SLC34A3: variants seen among roughly 807,000 people sequenced by gnomAD.
The protein encoded by SLC34A3 is solute carrier family 34 member 3.
Under a neutral mutation model 43.9 loss-of-function variants are expected in SLC34A3, and 60 were observed. That is an observed-to-expected ratio of 1.37 (90% CI 1.11 to 1.70). The LOEUF (loss-of-function observed/expected upper bound fraction) is 1.70, where lower values mean the gene tolerates loss of function less well. SLC34A3 is among the 40% of genes most tolerant of loss of function. The probability of loss-of-function intolerance (pLI) is 0.00; values close to 1 mark genes in which losing one functional copy is unlikely to be tolerated. For synonymous variants in SLC34A3, 451 were observed against 386.2 expected (o/e 1.17, Z -1.97); for missense variants, 969 against 823.8 (o/e 1.18, Z -2.16).
rs1169054324 is a variant in SLC34A3 at position 137,233,380 on chromosome 9, G to GC, written c.734dup (p.Leu246AlafsTer23). ...CCGACATCCTCAAGGTGCTGACGAAGCCGCTCACACACCTCATCGTGCAGG... is the reference window on the plus strand; with the variant it reads ...CCGACATCCTCAAGGTGCTGACGAAGCCCGCTCACACACCTCATCGTGCAGG... On this transcript the variant is annotated frameshift_variant, in exon 7 of 13. Coordinates refer to ENST00000673835, the MANE Select transcript of SLC34A3 (RefSeq NM_001177316.2). LOFTEE classifies it high-confidence loss of function. 6.9e-6 allele frequency: 11 copies of GC among 1,605,364 alleles called. No homozygotes were observed. The African/African-American group carries it at 1.5e-4, about 21-fold the overall frequency.
chr9:137,232,831 C>A lies in SLC34A3; in HGVS notation c.352C>A (p.Pro118Thr). Residue 118 changes from proline (P) to threonine (T), a missense_variant, in exon 5 of 13, where the codon CCT (proline) becomes ACT (threonine). Pro to Thr is a conservative substitution (Grantham distance 38). Transcript: ENST00000673835. ...CAAGGACAACGTGGTGCTGTCCAAC[C>A]CTGTGGCTGGACTGGTCATTGGCGT... is the stretch of plus-strand genomic sequence containing the variant. ...IFKDNVVLSN[P>T]VAGLVIGVLV... 1 of 1,613,208 alleles carries A rather than the reference C, an allele frequency of 6.2e-7. No individual in the cohort carries two copies. The highest frequency in any genetic ancestry group is 1.1e-5 in the South Asian group (1 of 91,084).
intron 8 of SLC34A3, 56 bp downstream of exon 8, chr9:137,233,778 A>ACCCCCCCCCCCCCCCCC: frequency 4.0e-6 from 6 of 1,485,054 alleles, no homozygotes; most frequent in East Asian, 2.3e-5. Flanking sequence ...CTGCTGAGTC[A>ACCCCCCCCCCCCCCCCC]TCCCGCCCCA....
chr9:137,236,299 C>T lies in SLC34A3; in HGVS notation c.1683C>T (p.Pro561=). The T allele has an allele frequency of 1.9e-6, 3 of 1,542,900 alleles. No individual in the cohort carries two copies. Among genetic ancestry groups the T allele is most frequent in the Non-Finnish European group, 2.6e-6 (3 of 1,146,754 alleles). ...WLPVWLHSLE[P]WDRLVTRCCP... Reference sequence around the variant, plus strand: ...CCGTCTGGCTCCATTCTCTGGAGCCCTGGGACCGCCTGGTGACCCGCTGCT... The same window carrying T: ...CCGTCTGGCTCCATTCTCTGGAGCCTTGGGACCGCCTGGTGACCCGCTGCT... Residue 561 remains proline (P), a synonymous_variant, in exon 13 of 13, where the codon CCC becomes CCT. Transcript: ENST00000673835.
Position 137,232,594 on chromosome 9 carries a change from GCTGCGCCGCGTGGCCGGCAGC to G in SLC34A3, c.196_216del (p.Leu66_Ser72del). On this transcript the variant is annotated inframe_deletion, in exon 4 of 13. Transcript: ENST00000673835. ...CCTCAGAGCTCCGCGTGGCCGGCAG[GCTGCGCCGCGTGGCCGGCAGC>G]GTCCTCAAGGCCTGCGGGCTCCTCG... The G allele has an allele frequency of 6.2e-7, 1 of 1,609,136 alleles. No individual in the cohort carries two copies. Among genetic ancestry groups the G allele is most frequent in the Non-Finnish European group, 8.5e-7 (1 of 1,178,302 alleles).
At position 137,234,850 on chromosome 9, in the gene SLC34A3, T is replaced by G; in HGVS notation, c.1335+119T>G. 6.8e-7 allele frequency: 1 copy of G among 1,467,302 alleles called. No individual in the cohort carries two copies. The highest frequency in any genetic ancestry group is 9.3e-7 in the Non-Finnish European group (1 of 1,073,000). The allele number at this position is 1,467,302 out of a possible 1,614,324, so 90.9% of individuals were successfully genotyped here. On this transcript the variant is annotated intron_variant, in intron 12 of 12. Transcript: ENST00000673835. This position sits in a 1 kb window ranked among gnomAD's most constrained non-coding sequence, Gnocchi z 6.9. ...CTGTGCCCCCGCCTTCCTGGACCCCTTCCCTGGCCGCCAGCCTCAGCCCTG... is the reference window on the plus strand; with the variant it reads ...CTGTGCCCCCGCCTTCCTGGACCCCGTCCCTGGCCGCCAGCCTCAGCCCTG...
rs1419088587 is a variant in SLC34A3, at chr9:137,235,973, T to G, written c.1357T>G (p.Phe453Val). 1 of 1,612,328 alleles carries G rather than the reference T, an allele frequency of 6.2e-7. No individual in the cohort carries two copies. Among genetic ancestry groups the G allele is most frequent in the East Asian group, 2.2e-5 (1 of 44,874 alleles). Reference protein sequence around the residue: ...ALQVALIHFFFNLAGILLWYL... With the variant: ...ALQVALIHFFVNLAGILLWYL... ...CCAGGTCGCCCTCATCCACTTCTTC[T>G]TCAACCTGGCCGGCATCCTGCTGTG... is the stretch of plus-strand genomic sequence containing the variant. Residue 453 changes from phenylalanine (F) to valine (V), a missense_variant, in exon 13 of 13, where the codon TTC (phenylalanine) becomes GTC (valine). Transcript: ENST00000673835.
At chr9:137,232,976 C>A (rs1429760609) in intron 5 of SLC34A3, 28 bp from the exon 6 acceptor site, 4 of 1,608,486 alleles carry the variant, frequency 2.5e-6, no homozygotes, top group Non-Finnish European at 8.5e-7. Flanking sequence ...GGGTGGGCCG[C>A]AGGCTGACTC....
intron 6 of SLC34A3, 33 bp from the exon 7 acceptor site, chr9:137,233,176 C>T: frequency 6.4e-7 from 1 of 1,559,418 alleles, no homozygotes; most frequent in Non-Finnish European, 8.7e-7. Context: ...CCGGGCCCCC[C>T]CACCTGACCC....
Position 137,234,209 on chromosome 9 carries a change from A to G in SLC34A3, c.1026A>G (p.Ile342Met). 6.2e-7 allele frequency: 1 copy of G among 1,608,126 alleles called. No homozygotes were observed. Among genetic ancestry groups the G allele is most frequent in the Non-Finnish European group, 8.5e-7 (1 of 1,178,612 alleles). ...TGCTCTGCGGCTGCCTGGTCCTCAT[A>G]GTCAAGCTGCTCAACTCTGTGCTGC... ...LLVLCGCLVL[I>M]VKLLNSVLRG... The change falls in exon 10 of 13, where the codon ATA becomes ATG. Residue 342 changes from isoleucine (I) to methionine (M), a missense_variant. Ile to Met is a conservative substitution (Grantham distance 10). Transcript: ENST00000673835. The surrounding 1 kb of genome is among the most constrained non-coding windows in gnomAD (Gnocchi z 6.9).
Position 137,234,880 on chromosome 9 carries a change from TC to T in SLC34A3, c.1335+150del. 1 of 1,224,460 alleles carries T rather than the reference TC, an allele frequency of 8.2e-7. No individual in the cohort carries two copies. 75.8% of individuals were successfully genotyped at this position (1,224,460 alleles called of 1,614,324 possible). ...TGGCCGCCAGCCTCAGCCCTGCTGC[TC>T]TGCCTCCTTGGACCCCACAGGTCCT... On this transcript the variant is annotated intron_variant, in intron 12 of 12. Transcript: ENST00000673835. This position sits in a 1 kb window ranked among gnomAD's most constrained non-coding sequence, Gnocchi z 6.9.
rs568970459 is a variant in SLC34A3, at chr9:137,233,098, C to T, written c.543C>T (p.Asp181=). ...STLVSMAQSG[D]RDEFQRAFSG... is the part of the protein sequence containing the mutation. ...TGGTCTCAATGGCGCAGTCAGGGGA[C>T]CGGGATGAATTTCAGAGGTGAGTTG... Residue 181 remains aspartate (D), a synonymous_variant, in exon 6 of 13, where the codon GAC becomes GAT. Coordinates refer to ENST00000673835, the MANE Select transcript of SLC34A3 (RefSeq NM_001177316.2). 1.3e-6 allele frequency: 2 copies of T among 1,592,558 alleles called. No individual in the cohort carries two copies. Among genetic ancestry groups the T allele is most frequent in the Non-Finnish European group, 1.7e-6 (2 of 1,169,290 alleles).
Position 137,236,131 on chromosome 9 carries a change from G to C in SLC34A3, c.1515G>C (p.Gly505=), listed in dbSNP as rs1277319477. 2 of 1,610,982 alleles carry C rather than the reference G, an allele frequency of 1.2e-6. No homozygotes were observed. The change falls in exon 13 of 13, where the codon GGG becomes GGC. Residue 505 remains glycine (G), a synonymous_variant. Coordinates refer to ENST00000673835, the MANE Select transcript of SLC34A3 (RefSeq NM_001177316.2). The part of the protein sequence containing the change: ...GFLLLPLAAF[G]LSLAGGMELA... Reference sequence around the variant, plus strand: ...TGCTGCTGCCCCTGGCGGCCTTCGGGCTCTCCCTGGCAGGGGGCATGGAGC... The same window carrying C: ...TGCTGCTGCCCCTGGCGGCCTTCGGCCTCTCCCTGGCAGGGGGCATGGAGC...
At chr9:137,233,432 A>G (rs1836367978) in intron 7 of SLC34A3, 28 bp downstream of exon 7, 1 of 1,592,194 alleles carries the variant, frequency 6.3e-7, no homozygotes, top group African/African-American at 1.3e-5. Context: ...CCCCGCCCAG[A>G]GAGCCTGAGC....
chr9:137,235,820 CA>C (rs1836561006), intron 12 of SLC34A3, 131 bp from the exon 13 acceptor site: 3 of 815,460 alleles, frequency 3.7e-6, no homozygotes, highest in Non-Finnish European at 6.1e-6. Context: ...CCCAGACGGC[CA>C]TCTCATCCGT....
At position 137,234,164 on chromosome 9, in the gene SLC34A3, G is replaced by C. The variant is rs1401617840; in HGVS notation, c.981G>C (p.Leu327=). The change falls in exon 10 of 13, where the codon CTG becomes CTC. Residue 327 remains leucine (L), a synonymous_variant. Transcript: ENST00000673835. This position sits in a 1 kb window ranked among gnomAD's most constrained non-coding sequence, Gnocchi z 6.9. Reference sequence around the variant, plus strand: ...CGGACCTGGCCGTGGGCTGCATCCTGCTGGCCGGCTCCCTGCTGGTGCTCT... The same window carrying C: ...CGGACCTGGCCGTGGGCTGCATCCTCCTGGCCGGCTCCCTGCTGGTGCTCT... The part of the protein sequence containing the change: ...ELTDLAVGCI[L]LAGSLLVLCG... The C allele has an allele frequency of 1.9e-6, 3 of 1,602,802 alleles. No individual in the cohort carries two copies. The highest frequency in any genetic ancestry group is 3.4e-5 in the Admixed American group (2 of 59,452).
At position 137,232,991 on chromosome 9, in the gene SLC34A3, C is replaced by G; in HGVS notation, c.449-13C>G. ...GGGTGGGCCGCAGGCTGACTCAGCCCCCCCACCAGCAGTGCTGACTGTCCG... is the reference window on the plus strand; with the variant it reads ...GGGTGGGCCGCAGGCTGACTCAGCCGCCCCACCAGCAGTGCTGACTGTCCG... On this transcript the variant is annotated splice_polypyrimidine_tract_variant and intron_variant, in intron 5 of 12. Transcript: ENST00000673835. 6.2e-7 allele frequency: 1 copy of G among 1,610,574 alleles called. No homozygotes were observed. Among genetic ancestry groups the G allele is most frequent in the Non-Finnish European group, 8.5e-7 (1 of 1,179,154 alleles).
intron 2 of SLC34A3, 128 bp downstream of exon 2, chr9:137,231,915 C>T (rs1355764934): frequency 9.0e-7 from 1 of 1,117,008 alleles, no homozygotes; most frequent in Non-Finnish European, 1.4e-6. Flanking sequence ...CGCCTCCACT[C>T]AGGTCCAGCC....
chr9:137,233,470 C>A, intron 7 of SLC34A3, 66 bp downstream of exon 7: 1 of 1,583,350 alleles, frequency 6.3e-7, no homozygotes, highest in Non-Finnish European at 8.6e-7. Flanking sequence ...GGGAGGCCCG[C>A]CCTGCCCTGA....
rs35535797 is a variant in SLC34A3, at chr9:137,234,406, T to A, written c.1094-10T>A. ...GGCGCTGGCCAGGGCTGACCCGGCA[T>A]CCCCCACAGACTTCCCCTTCCCGCT... On this transcript the variant is annotated splice_polypyrimidine_tract_variant and intron_variant, in intron 10 of 12. Transcript: ENST00000673835. This position sits in a 1 kb window ranked among gnomAD's most constrained non-coding sequence, Gnocchi z 6.9. 0.11 allele frequency: 182,091 copies of A among 1,598,284 alleles called. 11,360 individuals are homozygous for A. The highest frequency in any genetic ancestry group is 0.2 in the Middle Eastern group (1,222 of 6,058).
Sources: gnomAD v4.1 joint callset for allele counts on GRCh38, gnomAD v4.1.1 for gene constraint, Gnocchi (gnomAD v3.1) non-coding constraint, MANE v1.5 for transcripts, NCBI Gene and HGNC (gene_info 2026-07-23, HGNC 2026-07-21) for gene names.